Variants in EFCAB13 observed in about 807,000 individuals in gnomAD.
The protein encoded by EFCAB13 is EF-hand calcium-binding domain-containing protein 13.
A neutral mutation model predicts 110.2 loss-of-function variants in EFCAB13; 91 were observed. That is an observed-to-expected ratio of 0.83 (90% confidence interval 0.70 to 0.98). EFCAB13 has a LOEUF of 0.98. Among genes scored for constraint, EFCAB13 ranks in the 50% least tolerant of loss-of-function variants. The pLI, the probability that EFCAB13 is intolerant of heterozygous loss-of-function variation, is 0.00. For missense variants in EFCAB13, 968 were observed against 1,119.4 expected, an observed-to-expected ratio of 0.86 and a Z score of 1.93; for synonymous variants, 323 against 369.9, an observed-to-expected ratio of 0.87 and a Z score of 1.45.
At position 47,342,005 on chromosome 17, in the gene EFCAB13, A is replaced by G; in HGVS notation, c.276A>G (p.Gln92=). 4 of 1,597,966 alleles carry G rather than the reference A, an allele frequency of 2.5e-6. No homozygotes were observed. Among genetic ancestry groups the G allele is most frequent in the Non-Finnish European group, 3.4e-6 (4 of 1,172,286 alleles). ...GEKKVGRKSL[Q]VQQHSKRTEI... Reference sequence around the variant, plus strand: ...AAAAAGTTGGGAGAAAGAGTTTACAAGTACAACAGCACAGTAAAAGAACTG... The same window carrying G: ...AAAAAGTTGGGAGAAAGAGTTTACAGGTACAACAGCACAGTAAAAGAACTG... Residue 92 remains glutamine (Q), a synonymous_variant, in exon 6 of 25, where the codon CAA becomes CAG. Transcript: ENST00000331493.
chr17:47,426,879 T>C (rs908278914), intron 23 of EFCAB13, among the ~76,000 whole-genome samples: 4 of 152,254 alleles, frequency 2.6e-5, no homozygotes, highest in Middle Eastern at 3.4e-3. Flanking sequence ...GTGATGTAAA[T>C]TGAATTTTTT....
chr17:47,396,088 T>C, intron 17 of EFCAB13, 111 bp downstream of exon 17: 1 of 867,372 alleles, frequency 1.2e-6, no homozygotes, highest in East Asian at 2.6e-5. Flanking sequence ...TCGAATATGA[T>C]TGAAATGCCA....
At chr17:47,344,314 AT>A (rs758846715) in intron 7 of EFCAB13, 22 bp downstream of exon 7, 1 of 1,603,306 alleles carries the variant, frequency 6.2e-7, no homozygotes, top group South Asian at 1.1e-5. Flanking sequence ...CTTGTACTCT[AT>A]TTTTTAAATG....
intron 23 of EFCAB13, among the ~76,000 whole-genome samples, chr17:47,420,914 G>A (rs1290531105): frequency 1.9e-4 from 28 of 147,320 alleles, no homozygotes; most frequent in Non-Finnish European, 3.6e-4. Context: ...GGTGAGGGGC[G>A]CCTCTGCCCA....
chr17:47,402,892 G>A (rs1435356986), intron 18 of EFCAB13, among the ~76,000 whole-genome samples: 1 of 152,226 alleles, frequency 6.6e-6, no homozygotes, highest in Non-Finnish European at 1.5e-5. Context: ...TGGCCTGATA[G>A]CAGCAGCAGA....
chr17:47,351,306 C>CGT (rs1279009678), intron 9 of EFCAB13, among the ~76,000 whole-genome samples: 115 of 129,438 alleles, frequency 8.9e-4, no homozygotes, highest in African/African-American at 2.9e-3. Context: ...TGTGTGTGTG[C>CGT]GCGCGCGCGC....
intron 2 of EFCAB13, among the ~76,000 whole-genome samples, chr17:47,325,957 TATATAG>T (rs1408217446): frequency 2.4e-4 from 31 of 131,360 alleles, no homozygotes; most frequent in Admixed American, 1.5e-3. Flanking sequence ...TATATATATA[TATATAG>T]CATATATATA....
At position 47,404,520 on chromosome 17, in the gene EFCAB13, G is replaced by A. The variant is rs561312540; in HGVS notation, c.2162-42G>A. ...GATACTAGCCTTTAAGTATTACTTT[G>A]TCTAGGGGTTCTTGTTTGTCATCTC... On this transcript the variant is annotated intron_variant, in intron 19 of 24. Coordinates refer to ENST00000331493, the MANE Select transcript of EFCAB13 (RefSeq NM_152347.5). 3.9e-4 allele frequency: 578 copies of A among 1,492,100 alleles called. 12 individuals are homozygous for A. In the South Asian group the frequency reaches 6.3e-3, roughly 16 times the overall value. The allele number at this position is 1,492,100 out of a possible 1,614,324, so 92.4% of individuals were successfully genotyped here.
rs1253149527 is a variant in EFCAB13 at position 47,361,508 on chromosome 17, T to C, written c.792T>C (p.His264=). The change falls in exon 10 of 25, where the codon CAT becomes CAC. Residue 264 remains histidine, a synonymous_variant. Coordinates refer to ENST00000331493, the MANE Select transcript of EFCAB13 (RefSeq NM_152347.5). ...AAATTTTAGAAGAAGTGACAAAACA[T>C]ACCTATATTGACAGTGAGTTATTTG... ...NREILEEVTK[H]TYIDSNHMVD... 1 of 1,573,286 alleles carries C rather than the reference T, an allele frequency of 6.4e-7. No homozygotes were observed. Among genetic ancestry groups the C allele is most frequent in the East Asian group, 2.2e-5 (1 of 44,482 alleles).
intron 4 of EFCAB13, among the ~76,000 whole-genome samples, chr17:47,330,449 C>T (rs967886205): frequency 1.3e-5 from 2 of 151,942 alleles, no homozygotes; most frequent in African/African-American, 4.8e-5. Context: ...AGTTTTTCAT[C>T]CTTCACTTCC....
At chr17:47,397,159 G>A (rs1299412266) in intron 17 of EFCAB13, among the ~76,000 whole-genome samples, 2 of 151,938 alleles carry the variant, frequency 1.3e-5, no homozygotes, top group African/African-American at 2.4e-5. Context: ...TTGCAGGCGC[G>A]CGCCGCCACG....
chr17:47,399,307 CTG>C (rs1264691456), intron 17 of EFCAB13, among the ~76,000 whole-genome samples: 5 of 152,328 alleles, frequency 3.3e-5, no homozygotes, highest in African/African-American at 1.2e-4. Flanking sequence ...ATATTGAAAA[CTG>C]TATCTGTACG....
intron 17 of EFCAB13, among the ~76,000 whole-genome samples, chr17:47,398,091 C>A (rs551566954): frequency 1.4e-5 from 2 of 147,854 alleles, no homozygotes; most frequent in Middle Eastern, 3.3e-3. Flanking sequence ...CCCGGCCAGC[C>A]GCCCCGTCCG....
intron 21 of EFCAB13, among the ~76,000 whole-genome samples, chr17:47,410,310 A>C (rs1340124766): frequency 6.6e-6 from 1 of 152,194 alleles, no homozygotes; most frequent in African/African-American, 2.4e-5. Context: ...TCTTGCAATA[A>C]CTAAATCACT....
At chr17:47,348,130 A>T (rs930589160) in intron 9 of EFCAB13, among the ~76,000 whole-genome samples, 179 bp downstream of exon 9, 3 of 151,712 alleles carry the variant, frequency 2.0e-5, no homozygotes, top group African/African-American at 7.3e-5. Flanking sequence ...TACAATAATG[A>T]TATTGAAAAT....
At chr17:47,373,315 G>A (rs2065596121) in intron 11 of EFCAB13, among the ~76,000 whole-genome samples, 1 of 151,660 alleles carries the variant, frequency 6.6e-6, no homozygotes. Flanking sequence ...TCTGTTTTTG[G>A]TCATTTATTG....
chr17:47,386,829 C>T (rs1480921850), intron 14 of EFCAB13, among the ~76,000 whole-genome samples: 3 of 151,742 alleles, frequency 2.0e-5, no homozygotes, highest in African/African-American at 4.8e-5. Context: ...AGTATCTGGC[C>T]CAGATAGCAC....
At chr17:47,422,636 GAT>G (rs1598763704) in intron 23 of EFCAB13, among the ~76,000 whole-genome samples, 1 of 152,062 alleles carries the variant, frequency 6.6e-6, no homozygotes, top group South Asian at 2.1e-4. Context: ...TGAAAATAAA[GAT>G]ATGATTTGCA....
chr17:47,395,804 C>T lies in EFCAB13; in HGVS notation c.1802-30C>T, dbSNP rs369451369. 3.5e-5 allele frequency: 55 copies of T among 1,552,494 alleles called. No individual in the cohort carries two copies. In the African/African-American group the frequency reaches 4.9e-4, roughly 14 times the overall value. On this transcript the variant is annotated intron_variant, in intron 16 of 24. Coordinates refer to ENST00000331493, the MANE Select transcript of EFCAB13 (RefSeq NM_152347.5). ...TGTATTAACTTCTTGCATAAGCATT[C>T]GTAAAACTTGTGTTTTATCTACCCT...
Sources: gnomAD v4.1 joint callset for allele counts (sites outside exome capture counted in the v4.1 genomes callset) on GRCh38, gnomAD v4.1.1 for gene constraint, MANE v1.5 for transcripts, NCBI Gene and HGNC (gene_info 2026-07-23, HGNC 2026-07-21) for gene names.